CHST10: variants seen among roughly 807,000 people sequenced by gnomAD.
CHST10 encodes the protein HNK-1 sulfotransferase.
Under a neutral mutation model 34.7 loss-of-function variants are expected in CHST10, and 24 were observed. The ratio of observed to expected loss-of-function variants is 0.69; its 90% confidence interval spans 0.50 to 0.97. The LOEUF (loss-of-function observed/expected upper bound fraction) is 0.97, where lower values mean the gene tolerates loss of function less well. CHST10 is among the 50% of genes least tolerant of loss of function. The pLI is 0.00. For missense variants in CHST10, 402 were observed against 452.1 expected, an observed-to-expected ratio of 0.89 and a Z score of 1.00; for synonymous variants, 161 against 169.3, an observed-to-expected ratio of 0.95 and a Z score of 0.38.
intron 2 of CHST10, among the ~76,000 whole-genome samples, chr2:100,409,500 G>A (rs577833783): frequency 1.3e-5 from 2 of 151,952 alleles, no homozygotes; most frequent in Admixed American, 6.5e-5. Context: ...TCAGCTGGGC[G>A]GGGGGTCAGG....
intron 6 of CHST10, among the ~76,000 whole-genome samples, chr2:100,394,890 T>C (rs1368355924): frequency 1.9e-5 from 1 of 53,944 alleles, no homozygotes; most frequent in African/African-American, 3.8e-5. Context: ...CAGCGGGCTA[T>C]TTTTTTTTTT....
intron 6 of CHST10, among the ~76,000 whole-genome samples, chr2:100,395,083 C>G (rs1184089531): frequency 6.6e-6 from 1 of 152,168 alleles, no homozygotes; most frequent in Admixed American, 6.5e-5. Context: ...GGATGCAGCC[C>G]ACACAACCAC....
chr2:100,414,208 G>T (rs1417986089), intron 2 of CHST10, among the ~76,000 whole-genome samples: 1 of 152,186 alleles, frequency 6.6e-6, no homozygotes, highest in Admixed American at 6.5e-5. Context: ...GAAGGCCAGT[G>T]TTCCTCATGC....
At position 100,393,452 on chromosome 2, in the gene CHST10, G is replaced by A. The variant is rs746168111; in HGVS notation, c.864C>T (p.Asp288=). The part of the protein sequence containing the change: ...SVIGHHETLE[D]DAPYILKEAG... ...CCTCTTTTAAGATGTATGGGGCATC[G>A]TCCTCCAGGGTCTCGTGGTGTCCAA... Residue 288 remains aspartate, a synonymous_variant, in exon 7 of 7, where the codon GAC becomes GAT. Coordinates refer to ENST00000264249, the MANE Select transcript of CHST10 (RefSeq NM_004854.5). The A allele has an allele frequency of 5.6e-6, 9 of 1,614,150 alleles. No homozygotes were observed. The highest frequency in any genetic ancestry group is 2.2e-5 in the East Asian group (1 of 44,882).
chr2:100,393,837 AG>A, intron 6 of CHST10, 55 bp from the exon 7 acceptor site: 2 of 1,436,304 alleles, frequency 1.4e-6, no homozygotes, highest in Non-Finnish European at 1.9e-6. Context: ...GTCACAGCTG[AG>A]GGGGCGGGAG....
chr2:100,392,989 T>C lies in CHST10; in HGVS notation c.*256A>G, dbSNP rs1674864020. The C allele has an allele frequency of 3.8e-6, 2 of 528,186 alleles. No homozygotes were observed. Among genetic ancestry groups the C allele is most frequent in the South Asian group, 4.6e-5 (2 of 43,506 alleles). The allele number at this position is 528,186 out of a possible 1,614,324, so 32.7% of individuals were successfully genotyped here. A position where few individuals can be genotyped will look rare whatever the true frequency, so the allele number is the denominator to read the frequency against. ...TGCAAATCTTTAGCCTTTTCTCCCC[T>C]CTGAGGTGAGCAAAGGCCAGCGACA... On this transcript the variant is annotated 3_prime_UTR_variant, in exon 7 of 7. Coordinates refer to ENST00000264249, the MANE Select transcript of CHST10 (RefSeq NM_004854.5).
chr2:100,394,340 G>A (rs1007891349), intron 6 of CHST10, among the ~76,000 whole-genome samples: 3 of 152,138 alleles, frequency 2.0e-5, no homozygotes, highest in Non-Finnish European at 4.4e-5. Flanking sequence ...TGGGGAGGAG[G>A]GCCGGCAGCA....
chr2:100,401,409 A>C (rs1473590801), intron 4 of CHST10, among the ~76,000 whole-genome samples: 1 of 152,118 alleles, frequency 6.6e-6, no homozygotes, highest in Non-Finnish European at 1.5e-5. Context: ...GCAGGCTGGC[A>C]ATCTCTCCGG....
chr2:100,415,403 G>A (rs3791358), intron 1 of CHST10, among the ~76,000 whole-genome samples: 30,459 of 152,094 alleles, frequency 0.2, 7,444 homozygotes, highest in African/African-American at 0.58. Context: ...TGCCTGTTTC[G>A]TATGTTTGAA....
intron 5 of CHST10, 83 bp downstream of exon 5, chr2:100,397,825 C>T (rs1675131703): frequency 8.9e-7 from 1 of 1,123,960 alleles, no homozygotes; most frequent in Non-Finnish European, 1.3e-6. Context: ...CCTCTTGTGA[C>T]TCCTCCTTGC....
intron 4 of CHST10, 85 bp from the exon 5 acceptor site, chr2:100,398,227 T>C: frequency 2.2e-6 from 2 of 898,112 alleles, no homozygotes; most frequent in South Asian, 3.2e-5. Flanking sequence ...TGCTGGTCTA[T>C]CCCCTCCTTT....
At chr2:100,414,070 G>A (rs1489734976) in intron 2 of CHST10, among the ~76,000 whole-genome samples, 1 of 152,134 alleles carries the variant, frequency 6.6e-6, no homozygotes, top group Non-Finnish European at 1.5e-5. Context: ...CCAGGTGACA[G>A]GTGCAGTGGC....
chr2:100,410,233 A>G (rs1673733905), intron 2 of CHST10, among the ~76,000 whole-genome samples: 1 of 152,210 alleles, frequency 6.6e-6, no homozygotes, highest in African/African-American at 2.4e-5. Flanking sequence ...GGCTTCTTGT[A>G]CACTCGGGGT....
At chr2:100,396,294 G>C (rs544989277) in intron 5 of CHST10, among the ~76,000 whole-genome samples, 1 of 152,236 alleles carries the variant, frequency 6.6e-6, no homozygotes. Context: ...CTGTCATCAG[G>C]GACCAGTGCA....
At chr2:100,398,310 T>G (rs1050200334) in intron 4 of CHST10, among the ~76,000 whole-genome samples, 168 bp from the exon 5 acceptor site, 4 of 152,160 alleles carry the variant, frequency 2.6e-5, no homozygotes, top group Non-Finnish European at 5.9e-5. Context: ...AGCCCCTTCA[T>G]GAGGCCTTCA....
At chr2:100,415,368 T>G (rs1676022898) in intron 1 of CHST10, among the ~76,000 whole-genome samples, 1 of 152,228 alleles carries the variant, frequency 6.6e-6, no homozygotes, top group African/African-American at 2.4e-5. Context: ...ACATTTTTTG[T>G]AGCAAAAATA....
rs556026373 is a variant in CHST10 at position 100,403,107 on chromosome 2, C to A, written c.101-452G>T. Among the ~76,000 whole-genome samples the A allele has an allele frequency of 2.8e-4, 42 of 152,254 alleles. No homozygotes were observed. In the South Asian group the frequency reaches 8.3e-3, roughly 30 times the overall value. On this transcript the variant is annotated intron_variant, in intron 3 of 6. Transcript: ENST00000264249. ...CAAACTCAACAATTAAAAAACCAAC[C>A]AATCTAATTAGAAAATAGGTACGAT...
chr2:100,399,739 C>T (rs1675249475), intron 4 of CHST10, among the ~76,000 whole-genome samples: 1 of 152,170 alleles, frequency 6.6e-6, no homozygotes, highest in Middle Eastern at 3.2e-3. Flanking sequence ...TGACCTCTGG[C>T]CAGGATGCTT....
At chr2:100,398,686 C>A (rs1675191553) in intron 4 of CHST10, among the ~76,000 whole-genome samples, 1 of 152,018 alleles carries the variant, frequency 6.6e-6, no homozygotes, top group South Asian at 2.1e-4. Context: ...GCCTGGGCGA[C>A]AGAGCAAGCA....
Sources: gnomAD v4.1 joint callset for allele counts (sites outside exome capture counted in the v4.1 genomes callset) on GRCh38, gnomAD v4.1.1 for gene constraint, MANE v1.5 for transcripts, NCBI Gene and HGNC (gene_info 2026-07-23, HGNC 2026-07-21) for gene names.